The following PAQR4 variants were observed in gnomAD, a reference collection of about 807,000 sequenced individuals.
PAQR4 encodes the protein progestin and adipoQ receptor family member 4.
In PAQR4, 26 loss-of-function variants were observed where a neutral mutation model predicts 20.9. The ratio of observed to expected loss-of-function variants is 1.24; its 90% CI spans 0.91 to 1.73. The LOEUF (loss-of-function observed/expected upper bound fraction) is 1.73. Among genes scored for constraint, PAQR4 ranks in the 40% most tolerant of loss-of-function variants. PAQR4 has a pLI of 0.00. For missense variants in PAQR4, 400 were observed against 380.1 expected (o/e 1.05, Z -0.44); for synonymous variants, 193 against 171.6 (o/e 1.12, Z -0.97).
chr16:2,971,018 T>C, intron 1 of PAQR4, 139 bp from the exon 2 acceptor site: 1 of 808,118 alleles, frequency 1.2e-6, no homozygotes, highest in East Asian at 2.6e-5. Flanking sequence ...CCAGGGCCTG[T>C]CTCTGGCCAA....
chr16:2,973,168 G>A lies in PAQR4; in HGVS notation c.*1220G>A, dbSNP rs766870198. On this transcript the variant is annotated 3_prime_UTR_variant, in exon 3 of 3. Transcript: ENST00000318782. ...TGTGCACCTGCTCCGGGGGGTGGAGGTGCTCCCCACAGTCCGGGCCAGGAC... is the reference window on the plus strand; with the variant it reads ...TGTGCACCTGCTCCGGGGGGTGGAGATGCTCCCCACAGTCCGGGCCAGGAC... 16 of 1,537,006 alleles carry A rather than the reference G, an allele frequency of 1.0e-5. No individual in the cohort carries two copies. Among genetic ancestry groups the A allele is most frequent in the Non-Finnish European group, 1.4e-5 (16 of 1,136,120 alleles).
rs1280568607 is a variant in PAQR4, at chr16:2,972,822, G to A, written c.*874G>A. On this transcript the variant is annotated 3_prime_UTR_variant, in exon 3 of 3. Coordinates refer to ENST00000318782, the MANE Select transcript of PAQR4 (RefSeq NM_152341.5). ...CATGAGCAAGCTTGGGTGCTCCCAA[G>A]GTTCAAATACTTTTTATTAGACACG... 4.6e-6 allele frequency: 7 copies of A among 1,537,306 alleles called. 1 individual carries two copies. The highest frequency in any genetic ancestry group is 2.4e-5 in the South Asian group (2 of 83,618).
At position 2,971,263 on chromosome 16, in the gene PAQR4, A is replaced by AC. The variant is rs775976685; in HGVS notation, c.278dup (p.Ala94CysfsTer141). On this transcript the variant is annotated frameshift_variant, in exon 2 of 3. Coordinates refer to ENST00000318782, the MANE Select transcript of PAQR4 (RefSeq NM_152341.5). LOFTEE classifies it high-confidence loss of function. ...GCACACATTGCGTGGCCTGCCTTGC[A>AC]CCCCCTGCAGGCTCCGTGCTCTATC... is the stretch of plus-strand genomic sequence containing the variant. 51 of 1,612,996 alleles carry AC rather than the reference A, an allele frequency of 3.2e-5. No individual in the cohort carries two copies. The highest frequency in any genetic ancestry group is 1.7e-6 in the Non-Finnish European group (2 of 1,179,956).
At position 2,971,244 on chromosome 16, in the gene PAQR4, A is replaced by AT. The variant is rs772510719; in HGVS notation, c.256dup (p.Cys86LeufsTer149). 4 of 1,613,198 alleles carry AT rather than the reference A, an allele frequency of 2.5e-6. No individual in the cohort carries two copies. The highest frequency in any genetic ancestry group is 3.4e-6 in the Non-Finnish European group (4 of 1,180,010). On this transcript the variant is annotated frameshift_variant, in exon 2 of 3. Coordinates refer to ENST00000318782, the MANE Select transcript of PAQR4 (RefSeq NM_152341.5). LOFTEE classifies it high-confidence loss of function. ...AAGGATGGCTGGCTGGGAGGCACAC[A>AT]TTGCGTGGCCTGCCTTGCACCCCCT...
intron 1 of PAQR4, 135 bp downstream of exon 1, chr16:2,969,975 G>C: frequency 1.7e-6 from 2 of 1,205,692 alleles, no homozygotes; most frequent in Non-Finnish European, 2.3e-6. Context: ...CAGTAGCCGC[G>C]GTGACAAAGC....
intron 1 of PAQR4, 67 bp from the exon 2 acceptor site, chr16:2,971,090 G>A (rs549851464): frequency 2.0e-6 from 3 of 1,488,146 alleles, no homozygotes; most frequent in South Asian, 1.1e-5. Context: ...CCTGTGTTGT[G>A]TCTGAACCGT....
chr16:2,969,667 T>C lies in PAQR4; in HGVS notation c.-8T>C. On this transcript the variant is annotated 5_prime_UTR_variant, in exon 1 of 3. Transcript: ENST00000318782. ...GCAGGAGCACGGGCTGCCCGCGCGG[T>C]GCGGACCATGGCGTTCCTGGCCGGG... 1 of 1,541,780 alleles carries C rather than the reference T, an allele frequency of 6.5e-7. No homozygotes were observed. The highest frequency in any genetic ancestry group is 8.7e-7 in the Non-Finnish European group (1 of 1,147,200).
chr16:2,970,096 A>G (rs868718925), intron 1 of PAQR4: 12 of 482,170 alleles, frequency 2.5e-5, no homozygotes, highest in Admixed American at 4.1e-5. Flanking sequence ...TCTGAGCCCC[A>G]GGGGTAGGGA....
At chr16:2,970,014 T>C in intron 1 of PAQR4, 174 bp downstream of exon 1, 1 of 897,038 alleles carries the variant, frequency 1.1e-6, no homozygotes. Context: ...CGCTGCCAGC[T>C]TCCGTTTTCC....
Position 2,972,035 on chromosome 16 carries a change from T to A in PAQR4, c.*87T>A. 2 of 1,310,414 alleles carry A rather than the reference T, an allele frequency of 1.5e-6. No individual in the cohort carries two copies. The highest frequency in any genetic ancestry group is 2.0e-6 in the Non-Finnish European group (2 of 976,750). The allele number at this position is 1,310,414 out of a possible 1,614,324, so 81.2% of individuals were successfully genotyped here. A position where few individuals can be genotyped will look rare whatever the true frequency, so the allele number is the denominator to read the frequency against. ...AACTCGTCTGCAAGGGGCTGGCTCCTTGGATGCTTCCAGCTCATGAGATGT... is the reference window on the plus strand; with the variant it reads ...AACTCGTCTGCAAGGGGCTGGCTCCATGGATGCTTCCAGCTCATGAGATGT... On this transcript the variant is annotated 3_prime_UTR_variant, in exon 3 of 3. Coordinates refer to ENST00000318782, the MANE Select transcript of PAQR4 (RefSeq NM_152341.5).
At position 2,971,812 on chromosome 16, in the gene PAQR4, G is replaced by A. The variant is rs747306866; in HGVS notation, c.686G>A (p.Gly229Glu). The change falls in exon 3 of 3, where the codon GGA (glycine) becomes GAA (glutamate). Residue 229 changes from glycine to glutamate, a missense_variant. Transcript: ENST00000318782. ...VNVARLPERW[G>E]PGRFDYWGNS... is the part of the protein sequence containing the mutation. ...GTAGCCCGTCTGCCCGAGCGCTGGGGACCTGGCCGCTTTGACTACTGGGGC... is the reference window on the plus strand; with the variant it reads ...GTAGCCCGTCTGCCCGAGCGCTGGGAACCTGGCCGCTTTGACTACTGGGGC... The A allele has an allele frequency of 4.3e-6, 7 of 1,612,680 alleles. No homozygotes were observed. The Admixed American group carries it at 1.0e-4, about 23-fold the overall frequency.
In PAQR4 at chr16:2,973,069, G is replaced by T. The variant is rs2072046680; in HGVS notation, c.*1121G>T. 1 of 1,596,436 alleles carries T rather than the reference G, an allele frequency of 6.3e-7. No individual in the cohort carries two copies. On this transcript the variant is annotated 3_prime_UTR_variant, in exon 3 of 3. Coordinates refer to ENST00000318782, the MANE Select transcript of PAQR4 (RefSeq NM_152341.5). ...TCACTTAGGTCCAGGGCATCCCTGGGAGGAGAGAGTAGTGACACTCAGGAT... is the reference window on the plus strand; with the variant it reads ...TCACTTAGGTCCAGGGCATCCCTGGTAGGAGAGAGTAGTGACACTCAGGAT...
Position 2,969,591 on chromosome 16 carries a change from G to A in PAQR4, c.-84G>A, listed in dbSNP as rs1438256681. 5.1e-6 allele frequency: 7 copies of A among 1,365,216 alleles called. No homozygotes were observed. In the African/African-American group the frequency reaches 6.2e-5, roughly 12 times the overall value. The allele number at this position is 1,365,216 out of a possible 1,614,324, so 84.6% of individuals were successfully genotyped here. ...GGCGCCGGGCGCCGGGCGCCAGGCA[G>A]TGATGGGCCTTCCCGCGCTGCGGCC... On this transcript the variant is annotated 5_prime_UTR_variant, in exon 1 of 3. In the 5' UTR this introduces an upstream ATG that the reference lacks. Coordinates refer to ENST00000318782, the MANE Select transcript of PAQR4 (RefSeq NM_152341.5).
chr16:2,972,388 T>G lies in PAQR4; in HGVS notation c.*440T>G, dbSNP rs915160936. ...ATCTTTCTGCCCTGCATACCAGCCC[T>G]CCCAGCAGCCACAAGCTTGCCCGCC... On this transcript the variant is annotated 3_prime_UTR_variant, in exon 3 of 3. Coordinates refer to ENST00000318782, the MANE Select transcript of PAQR4 (RefSeq NM_152341.5). The G allele has an allele frequency of 1.8e-6, 1 of 548,232 alleles. No individual in the cohort carries two copies. Among genetic ancestry groups the G allele is most frequent in the Admixed American group, 3.2e-5 (1 of 31,186 alleles). 34.0% of individuals were successfully genotyped at this position (548,232 alleles called of 1,614,324 possible).
chr16:2,972,104 C>A lies in PAQR4; in HGVS notation c.*156C>A. The A allele has an allele frequency of 1.4e-6, 1 of 728,932 alleles. No homozygotes were observed. The highest frequency in any genetic ancestry group is 2.2e-6 in the Non-Finnish European group (1 of 464,738). The allele number at this position is 728,932 out of a possible 1,614,324, so 45.2% of individuals were successfully genotyped here. A position where few individuals can be genotyped will look rare whatever the true frequency, so the allele number is the denominator to read the frequency against. On this transcript the variant is annotated 3_prime_UTR_variant, in exon 3 of 3. Coordinates refer to ENST00000318782, the MANE Select transcript of PAQR4 (RefSeq NM_152341.5). ...CACCCGTTCTTCCCTGTGGACTGACCTCTTCCACCCACGCCGTGGCGCTCC... is the reference window on the plus strand; with the variant it reads ...CACCCGTTCTTCCCTGTGGACTGACATCTTCCACCCACGCCGTGGCGCTCC...
chr16:2,972,753 C>G lies in PAQR4; in HGVS notation c.*805C>G. The G allele has an allele frequency of 6.5e-7, 1 of 1,538,034 alleles. No individual in the cohort carries two copies. The highest frequency in any genetic ancestry group is 8.7e-7 in the Non-Finnish European group (1 of 1,146,700). On this transcript the variant is annotated 3_prime_UTR_variant, in exon 3 of 3. Coordinates refer to ENST00000318782, the MANE Select transcript of PAQR4 (RefSeq NM_152341.5). ...GGGCTCAGCCTCAGGGGCGTTAAGACCCTGGATGACATCAATAAAGGGACA... is the reference window on the plus strand; with the variant it reads ...GGGCTCAGCCTCAGGGGCGTTAAGAGCCTGGATGACATCAATAAAGGGACA...
chr16:2,971,374 C>T lies in PAQR4; in HGVS notation c.384C>T (p.Thr128=), dbSNP rs141502503. Residue 128 remains threonine (T), a synonymous_variant, in exon 2 of 3, where the codon ACC becomes ACT. Coordinates refer to ENST00000318782, the MANE Select transcript of PAQR4 (RefSeq NM_152341.5). The part of the protein sequence containing the change: ...LDMCGVCLVN[T]LGALPIIHCT... ...TGTGTGGGGTCTGCCTTGTCAACAC[C>T]CTTGGTGAGTCAGGGCCCAAGGGAT... The T allele has an allele frequency of 1.1e-3, 1,705 of 1,607,950 alleles. 3 individuals are homozygous for T. Among genetic ancestry groups the T allele is most frequent in the Non-Finnish European group, 1.3e-3 (1,552 of 1,179,694 alleles).
At position 2,973,012 on chromosome 16, in the gene PAQR4, G is replaced by T. The variant is rs2072043266; in HGVS notation, c.*1064G>T. On this transcript the variant is annotated 3_prime_UTR_variant, in exon 3 of 3. Coordinates refer to ENST00000318782, the MANE Select transcript of PAQR4 (RefSeq NM_152341.5). ...AGGAGGTTCCGAGGCTCAAAGGAGG[G>T]GAAGGAGCCCCGAGGAGGCTCTGAG... The T allele has an allele frequency of 6.2e-7, 1 of 1,610,602 alleles. No homozygotes were observed. The highest frequency in any genetic ancestry group is 1.3e-5 in the African/African-American group (1 of 75,056).
At position 2,971,834 on chromosome 16, in the gene PAQR4, G is replaced by A; in HGVS notation, c.708G>A (p.Trp236Ter). ...ERWGPGRFDY[W>*]GNSHQIMHLL... ...GGGGACCTGGCCGCTTTGACTACTG[G>A]GGCAACTCCCACCAGATCATGCACC... Residue 236 changes from tryptophan (W) to a stop codon, truncating the protein, a stop_gained, in exon 3 of 3, where the codon TGG becomes TGA. Coordinates refer to ENST00000318782, the MANE Select transcript of PAQR4 (RefSeq NM_152341.5). LOFTEE classifies it high-confidence loss of function. 2.5e-6 allele frequency: 4 copies of A among 1,612,580 alleles called. No homozygotes were observed. The highest frequency in any genetic ancestry group is 3.4e-6 in the Non-Finnish European group (4 of 1,179,908).
Sources: gnomAD v4.1 joint callset for allele counts on GRCh38, gnomAD v4.1.1 for gene constraint, MANE v1.5 for transcripts, NCBI Gene and HGNC (gene_info 2026-07-23, HGNC 2026-07-21) for gene names.